CERS4: variants seen among roughly 807,000 people sequenced by gnomAD.
CERS4 encodes ceramide synthase 4.
CERS4 carries 65 observed loss-of-function variants against 51.8 expected under a neutral mutation model. The observed-to-expected ratio is 1.26, with a 90% CI of 1.03 to 1.54. CERS4 has a LOEUF of 1.54. Among genes scored for constraint, CERS4 ranks in the 40% most tolerant of loss-of-function variants. The pLI, the probability that CERS4 is intolerant of heterozygous loss-of-function variation, is 0.00. For missense variants in CERS4, 563 were observed against 500.4 expected, an observed-to-expected ratio of 1.13 and a Z score of -1.19; for synonymous variants, 228 against 208.4, an observed-to-expected ratio of 1.09 and a Z score of -0.81.
In CERS4 at chr19:8,217,773, G is replaced by A. The variant is rs190071893; in HGVS notation, c.-2+6911G>A. 3.8e-4 allele frequency among the ~76,000 whole-genome samples: 58 copies of A among 152,052 alleles called. No homozygotes were observed. In the South Asian group the frequency reaches 6.4e-3, roughly 17 times the overall value. ...AGGATGGTCTCGATCTCCTGACCTC[G>A]TGATCCGCCCGCCTCGGCCTCCCAA... On this transcript the variant is annotated intron_variant, in intron 2 of 11. Transcript: ENST00000251363.
At chr19:8,254,455 A>G in intron 3 of CERS4, 44 bp from the exon 4 acceptor site, 1 of 1,588,754 alleles carries the variant, frequency 6.3e-7, no homozygotes. Flanking sequence ...AGGCAGTCCC[A>G]TCTCTTCACC....
chr19:8,254,996 C>T (rs1969302476), intron 4 of CERS4, among the ~76,000 whole-genome samples: 1 of 152,124 alleles, frequency 6.6e-6, no homozygotes, highest in African/African-American at 2.4e-5. Context: ...TGCTTGCTCT[C>T]CTATCCTGGG....
chr19:8,254,789 C>A (rs993566519), intron 4 of CERS4, among the ~76,000 whole-genome samples, 173 bp downstream of exon 4: 1 of 152,150 alleles, frequency 6.6e-6, no homozygotes, highest in Admixed American at 6.5e-5. Flanking sequence ...CTCTACCCCC[C>A]AGCCTCCCTG....
At chr19:8,259,248 T>C (rs1174906420) in intron 10 of CERS4, among the ~76,000 whole-genome samples, 2 of 147,376 alleles carry the variant, frequency 1.4e-5, no homozygotes, top group Admixed American at 6.8e-5. Context: ...GGGAGGGAGG[T>C]GAGGGACAGA....
chr19:8,245,239 T>A (rs941231238), intron 2 of CERS4, among the ~76,000 whole-genome samples: 35 of 151,534 alleles, frequency 2.3e-4, no homozygotes, highest in Admixed American at 2.0e-4. Context: ...ATTTATATAT[T>A]TTTATTTTTT....
chr19:8,252,678 A>G (rs538091966), intron 3 of CERS4, among the ~76,000 whole-genome samples: 1 of 152,300 alleles, frequency 6.6e-6, no homozygotes, highest in African/African-American at 2.4e-5. Flanking sequence ...ACGTCAGGTG[A>G]TCCACCCACC....
At chr19:8,254,785 CCCCCAGCCTCCCTGGGAAACGACG>C (rs1011091684) in intron 4 of CERS4, among the ~76,000 whole-genome samples, 169 bp downstream of exon 4, 1 of 152,114 alleles carries the variant, frequency 6.6e-6, no homozygotes, top group African/African-American at 2.4e-5. Flanking sequence ...AGGGCTCTAC[CCCCCAGCCTCCCTGGGAAACGACG>C]CCCCACCCCT....
chr19:8,238,869 T>G (rs144591842), intron 2 of CERS4, among the ~76,000 whole-genome samples: 2 of 152,022 alleles, frequency 1.3e-5, no homozygotes, highest in African/African-American at 4.8e-5. Context: ...GAAGCCATAG[T>G]GGGAGAATGG....
At position 8,262,133 on chromosome 19, in the gene CERS4, G is replaced by T; in HGVS notation, c.*24G>T. On this transcript the variant is annotated 3_prime_UTR_variant, in exon 12 of 12. Coordinates refer to ENST00000251363, the MANE Select transcript of CERS4 (RefSeq NM_024552.3). ...AGCCGGGCGGGGCTGGCTGTAAGGG[G>T]TTGCCCCCCCGCCAGTGCCTTGGAT... 1 of 1,434,388 alleles carries T rather than the reference G, an allele frequency of 7.0e-7. No individual in the cohort carries two copies. Among genetic ancestry groups the T allele is most frequent in the Non-Finnish European group, 9.1e-7 (1 of 1,096,462 alleles). The allele number at this position is 1,434,388 out of a possible 1,614,324, so 88.9% of individuals were successfully genotyped here. A position where few individuals can be genotyped will look rare whatever the true frequency, so the allele number is the denominator to read the frequency against.
At chr19:8,229,180 C>T (rs1245289107) in intron 2 of CERS4, among the ~76,000 whole-genome samples, 1 of 151,960 alleles carries the variant, frequency 6.6e-6, no homozygotes, top group Non-Finnish European at 1.5e-5. Context: ...AAAACAGTAG[C>T]TAGGCAAGGT....
intron 2 of CERS4, among the ~76,000 whole-genome samples, chr19:8,216,742 T>TG (rs1302798764): frequency 6.6e-6 from 1 of 152,112 alleles, no homozygotes; most frequent in African/African-American, 2.4e-5. Context: ...TGGTATGCAG[T>TG]GGGCACCCGA....
intron 3 of CERS4, among the ~76,000 whole-genome samples, chr19:8,252,090 G>A (rs1429291183): frequency 6.6e-6 from 1 of 151,562 alleles, no homozygotes; most frequent in African/African-American, 2.4e-5. Flanking sequence ...CAAAAATTAG[G>A]CTGGGTGCAG....
chr19:8,212,280 A>G (rs1480527885), intron 2 of CERS4, among the ~76,000 whole-genome samples: 1 of 152,068 alleles, frequency 6.6e-6, no homozygotes, highest in Non-Finnish European at 1.5e-5. Flanking sequence ...CCAGGGGAGT[A>G]ATGGTGGGGC....
At chr19:8,228,284 G>T (rs1348163251) in intron 2 of CERS4, among the ~76,000 whole-genome samples, 1 of 152,090 alleles carries the variant, frequency 6.6e-6, no homozygotes, top group Non-Finnish European at 1.5e-5. Flanking sequence ...GGTGGTTATG[G>T]TTACACAACC....
chr19:8,250,430 G>A (rs952138643), intron 2 of CERS4: 6 of 152,550 alleles, frequency 3.9e-5, no homozygotes, highest in African/African-American at 1.4e-4. Context: ...TGAGAAGCCT[G>A]GGTATTACTG....
intron 2 of CERS4, among the ~76,000 whole-genome samples, chr19:8,215,290 C>T (rs1350938067): frequency 6.6e-6 from 1 of 152,026 alleles, no homozygotes; most frequent in Non-Finnish European, 1.5e-5. Context: ...ACCAGCGTGG[C>T]CAACATGGCG....
At chr19:8,253,338 G>T (rs1163242819) in intron 3 of CERS4, among the ~76,000 whole-genome samples, 1 of 152,178 alleles carries the variant, frequency 6.6e-6, no homozygotes, top group Non-Finnish European at 1.5e-5. Flanking sequence ...AGGCCACAGT[G>T]AGACAGGCAG....
chr19:8,215,633 G>A (rs748107267), intron 2 of CERS4, among the ~76,000 whole-genome samples: 20 of 152,044 alleles, frequency 1.3e-4, no homozygotes, highest in Non-Finnish European at 2.2e-4. Context: ...CTCCCACCAC[G>A]AACCTGGGCT....
Position 8,224,179 on chromosome 19 carries a change from C to T in CERS4, c.-2+13317C>T, listed in dbSNP as rs112699556. On this transcript the variant is annotated intron_variant, in intron 2 of 11. Transcript: ENST00000251363. ...ATCCCAGCACTTTGGGAGGCCAAGGCGGGCGGATCACGAGGTCAGGGGTTC... is the reference window on the plus strand; with the variant it reads ...ATCCCAGCACTTTGGGAGGCCAAGGTGGGCGGATCACGAGGTCAGGGGTTC... Among the ~76,000 whole-genome samples the T allele has an allele frequency of 6.5e-3, 953 of 147,226 alleles. 15 individuals carry two copies. Among genetic ancestry groups the T allele is most frequent in the African/African-American group, 0.023 (904 of 39,628 alleles).
Sources: allele counts gnomAD v4.1 joint callset (sites outside exome capture counted in the v4.1 genomes callset), GRCh38; gene constraint gnomAD v4.1.1; transcripts MANE v1.5; gene names NCBI Gene and HGNC (gene_info 2026-07-23, HGNC 2026-07-21).